Variants in HEPH observed in about 807,000 individuals in gnomAD.
HEPH encodes hephaestin.
In HEPH, 69 loss-of-function variants were observed where a neutral mutation model predicts 80.8. The observed-to-expected ratio is 0.85, with a 90% CI of 0.70 to 1.04. The LOEUF is 1.04. HEPH is among the 50% of genes least tolerant of loss of function. HEPH has a pLI of 0.00. For synonymous variants in HEPH, 431 were observed against 322.8 expected (o/e 1.34, Z -3.60); for missense variants, 1,115 against 891.3 (o/e 1.25, Z -3.20).
chrX:66,190,586 T>C (rs1457857962), intron 6 of HEPH, among the ~76,000 whole-genome samples: 3 of 111,914 alleles, frequency 2.7e-5, no homozygotes, highest in Non-Finnish European at 5.6e-5. Context: ...CATTTCTAGG[T>C]CACATTTGCC....
At chrX:66,178,441 A>G (rs1184232590) in intron 4 of HEPH, among the ~76,000 whole-genome samples, 3 of 112,430 alleles carry the variant, frequency 2.7e-5, no homozygotes, top group Non-Finnish European at 5.6e-5. Context: ...ATGATTTATA[A>G]TCCTTTGGGT....
Position 66,260,145 on chromosome X carries a change from A to T in HEPH, c.3082A>T (p.Thr1028Ser). ...AGATGTGGTGGATCTGTTCCCAGGG[A>T]CTTTTGAGGTTGTGGAGATGGTGGC... The part of the protein sequence containing the change: ...RADVVDLFPG[T>S]FEVVEMVASN... The change falls in exon 19 of 21, where the codon ACT becomes TCT. Residue 1028 changes from threonine (T) to serine (S), a missense_variant. Thr to Ser is a moderately conservative substitution (Grantham distance 58). Transcript: ENST00000343002. 5.0e-6 allele frequency: 6 copies of T among 1,208,070 alleles called. No individual in the cohort carries two copies. Among genetic ancestry groups the T allele is most frequent in the African/African-American group, 1.7e-5 (1 of 57,398 alleles).
chrX:66,240,550 C>T (rs1274236612), intron 15 of HEPH, among the ~76,000 whole-genome samples: 4 of 105,939 alleles, frequency 3.8e-5, no homozygotes, highest in African/African-American at 1.4e-4. Context: ...CCACCCCAGA[C>T]ATACAACGTA....
chrX:66,201,310 G>A, intron 12 of HEPH, among the ~76,000 whole-genome samples: 1 of 110,149 alleles, frequency 9.1e-6, no homozygotes, highest in Non-Finnish European at 1.9e-5. Context: ...CCCTAGTTCA[G>A]GCTCTTTCAT....
chrX:66,230,018 A>G (rs2090058860), intron 15 of HEPH, among the ~76,000 whole-genome samples: 1 of 99,648 alleles, frequency 1.0e-5, no homozygotes, highest in Non-Finnish European at 2.0e-5. Flanking sequence ...GAGTGAGAAT[A>G]TGTGGTGTTT....
intron 6 of HEPH, among the ~76,000 whole-genome samples, chrX:66,191,333 A>G (rs1333636122): frequency 1.8e-5 from 2 of 112,327 alleles, no homozygotes; most frequent in Non-Finnish European, 3.8e-5. Context: ...AATTTTAAAA[A>G]AGATGTAAAG....
rs2088010937 is a variant in HEPH, at chrX:66,195,091, T to A, written c.1370-7T>A. 8.5e-7 allele frequency: 1 copy of A among 1,177,423 alleles called. No homozygotes were observed. The highest frequency in any genetic ancestry group is 1.1e-6 in the Non-Finnish European group (1 of 879,086). On this transcript the variant is annotated splice_region_variant and splice_polypyrimidine_tract_variant and intron_variant, in intron 8 of 20. Transcript: ENST00000343002. ...CATTCTCATTGTCTCTCCTTCCCAT[T>A]TTCCAGGGCCAGTGATCCGGGCTGA...
chrX:66,206,578 G>T (rs1181406428), intron 13 of HEPH, among the ~76,000 whole-genome samples: 2 of 106,822 alleles, frequency 1.9e-5, no homozygotes, highest in African/African-American at 6.8e-5. Context: ...TGTTGGGCAG[G>T]CTGGTCTCAA....
intron 19 of HEPH, among the ~76,000 whole-genome samples, chrX:66,260,560 C>G (rs752188957): frequency 5.5e-4 from 62 of 111,908 alleles, no homozygotes; most frequent in Non-Finnish European, 1.1e-3. Flanking sequence ...CGGTTTGGCT[C>G]TATGCATTGA....
At chrX:66,188,566 T>C in intron 5 of HEPH, 25 bp downstream of exon 5, 1 of 1,158,045 alleles carries the variant, frequency 8.6e-7, no homozygotes. Flanking sequence ...GGTGGCCACA[T>C]TGTGACAGGG....
chrX:66,197,831 T>TTCTGG lies in HEPH; in HGVS notation c.1651_1655dup (p.Val554AlafsTer119). The TTCTGG allele has an allele frequency of 8.3e-7, 1 of 1,210,230 alleles. No individual in the cohort carries two copies. The highest frequency in any genetic ancestry group is 1.1e-6 in the Non-Finnish European group (1 of 894,839). ...CTGCAGATCCCATAAGAGACACAAA[T>TTCTGG]TCTGGCCTGGTGGGCCCGCTGCTGG... On this transcript the variant is annotated frameshift_variant, in exon 10 of 21. Coordinates refer to ENST00000343002, the MANE Select transcript of HEPH (RefSeq NM_001367233.3). LOFTEE classifies it high-confidence loss of function.
chrX:66,219,036 C>T (rs2147921788), intron 15 of HEPH, among the ~76,000 whole-genome samples: 1 of 111,967 alleles, frequency 8.9e-6, no homozygotes, highest in East Asian at 2.8e-4. Context: ...GAGAATCTCA[C>T]TCAATAGTGG....
chrX:66,171,872 T>A (rs1171454826), intron 2 of HEPH, among the ~76,000 whole-genome samples: 1 of 111,778 alleles, frequency 8.9e-6, no homozygotes, highest in Non-Finnish European at 1.9e-5. Flanking sequence ...ATTTTACAGA[T>A]GGGCAAATTG....
At chrX:66,192,624 G>T (rs1406810702) in intron 7 of HEPH, among the ~76,000 whole-genome samples, 1 of 111,923 alleles carries the variant, frequency 8.9e-6, no homozygotes, top group Non-Finnish European at 1.9e-5. Flanking sequence ...AGTTGAAATA[G>T]CTTTTATTCC....
chrX:66,166,070 G>C (rs1474758640), intron 1 of HEPH, among the ~76,000 whole-genome samples: 1 of 111,917 alleles, frequency 8.9e-6, no homozygotes, highest in Non-Finnish European at 1.9e-5. Flanking sequence ...GGCTCAGGAA[G>C]TTAGGGACTT....
chrX:66,198,227 C>A (rs1366233654), intron 10 of HEPH, among the ~76,000 whole-genome samples: 1 of 103,741 alleles, frequency 9.6e-6, no homozygotes, highest in Admixed American at 1.0e-4. Context: ...GGCCCCTAAA[C>A]CTTGCTCCTG....
chrX:66,231,008 T>C (rs1408309987), intron 15 of HEPH, among the ~76,000 whole-genome samples: 1 of 108,120 alleles, frequency 9.2e-6, no homozygotes. Flanking sequence ...TAGCCAGTTT[T>C]CCCAGCACCA....
intron 15 of HEPH, among the ~76,000 whole-genome samples, chrX:66,226,057 A>G (rs1199079869): frequency 9.0e-6 from 1 of 111,370 alleles, no homozygotes; most frequent in Non-Finnish European, 1.9e-5. Flanking sequence ...TGGGGGCTGC[A>G]TTCACTGGTA....
intron 15 of HEPH, among the ~76,000 whole-genome samples, chrX:66,240,254 T>C (rs2090518466): frequency 9.0e-6 from 1 of 110,801 alleles, no homozygotes; most frequent in African/African-American, 3.3e-5. Flanking sequence ...GCTGAGAAAA[T>C]CATTAGTGAC....
Sources: gnomAD v4.1 joint callset for allele counts (sites outside exome capture counted in the v4.1 genomes callset) on GRCh38, gnomAD v4.1.1 for gene constraint, MANE v1.5 for transcripts, NCBI Gene and HGNC (gene_info 2026-07-23, HGNC 2026-07-21) for gene names.